GPR158: variants seen among roughly 807,000 people sequenced by gnomAD.
GPR158 encodes the protein G protein-coupled receptor 158, also known as metabotropic glycine receptor.
A neutral mutation model predicts 78.2 loss-of-function variants in GPR158; 30 were observed. The ratio of observed to expected loss-of-function variants is 0.38; its 90% CI spans 0.29 to 0.52. GPR158 has a LOEUF of 0.52. Among genes scored for constraint, GPR158 ranks in the 20% least tolerant of loss-of-function variants. GPR158 has a pLI of 0.83. For synonymous variants in GPR158, 581 were observed against 591.1 expected (o/e 0.98, Z 0.25); for missense variants, 1,463 against 1,523.5 (o/e 0.96, Z 0.66).
chr10:25,358,041 GATC>G (rs1225613868), intron 2 of GPR158, among the ~76,000 whole-genome samples: 4 of 152,086 alleles, frequency 2.6e-5, no homozygotes, highest in Non-Finnish European at 5.9e-5. Flanking sequence ...AGTCAAAGGA[GATC>G]ATTATGGAAC....
rs1419197749 is a variant in GPR158 at position 25,374,714 on chromosome 10, T to A, written c.1009-21197T>A. 2.6e-5 allele frequency among the ~76,000 whole-genome samples: 4 copies of A among 151,774 alleles called. No individual in the cohort carries two copies. In the East Asian group the frequency reaches 7.7e-4, roughly 29 times the overall value. ...TTCATATGAGATCTGTCCAAGTTGTTGTGTGTATCAATCGTGTGTTCCTTT... is the reference window on the plus strand; with the variant it reads ...TTCATATGAGATCTGTCCAAGTTGTAGTGTGTATCAATCGTGTGTTCCTTT... On this transcript the variant is annotated intron_variant, in intron 2 of 10. Coordinates refer to ENST00000376351, the MANE Select transcript of GPR158 (RefSeq NM_020752.3).
intron 4 of GPR158, among the ~76,000 whole-genome samples, chr10:25,433,030 A>G (rs1216867840): frequency 6.6e-6 from 1 of 152,228 alleles, no homozygotes; most frequent in Non-Finnish European, 1.5e-5. Flanking sequence ...GGGCTATAGA[A>G]TTCTTACAGT....
chr10:25,577,631 G>A (rs1174726186), intron 7 of GPR158, among the ~76,000 whole-genome samples: 7 of 152,148 alleles, frequency 4.6e-5, no homozygotes, highest in Non-Finnish European at 8.8e-5. Context: ...TCATTGCACA[G>A]GGCTGCTCCA....
At chr10:25,507,663 A>G (rs1473590528) in intron 5 of GPR158, among the ~76,000 whole-genome samples, 1 of 152,256 alleles carries the variant, frequency 6.6e-6, no homozygotes, top group East Asian at 1.9e-4. Flanking sequence ...AAAAAATTTA[A>G]TGACATTGCA....
intron 5 of GPR158, among the ~76,000 whole-genome samples, chr10:25,535,272 T>G (rs1250926442): frequency 6.6e-6 from 1 of 152,232 alleles, no homozygotes; most frequent in Non-Finnish European, 1.5e-5. Flanking sequence ...TCAAACAGAT[T>G]AACATTGAAA....
At chr10:25,264,227 T>C (rs1854009574) in intron 2 of GPR158, among the ~76,000 whole-genome samples, 1 of 152,202 alleles carries the variant, frequency 6.6e-6, no homozygotes, top group Non-Finnish European at 1.5e-5. Flanking sequence ...TAAGACCAGA[T>C]TGATGCTGCA....
intron 2 of GPR158, among the ~76,000 whole-genome samples, chr10:25,235,405 A>G (rs999283307): frequency 1.4e-4 from 21 of 148,966 alleles, no homozygotes; most frequent in Non-Finnish European, 5.9e-5. Flanking sequence ...CTATCTTCTC[A>G]CATGGTTATT....
chr10:25,194,318 A>T (rs1239066949), intron 1 of GPR158, among the ~76,000 whole-genome samples: 2 of 152,048 alleles, frequency 1.3e-5, no homozygotes, highest in Non-Finnish European at 2.9e-5. Flanking sequence ...GCAGGTGGAT[A>T]ACCTGAGGTC....
At chr10:25,338,510 G>A (rs573267646) in intron 2 of GPR158, among the ~76,000 whole-genome samples, 47 of 113,656 alleles carry the variant, frequency 4.1e-4, no homozygotes, top group African/African-American at 1.0e-3. Context: ...TATATATTAC[G>A]TATAATATAC....
chr10:25,347,815 T>C (rs1855393753), intron 2 of GPR158, among the ~76,000 whole-genome samples: 1 of 152,024 alleles, frequency 6.6e-6, no homozygotes, highest in Admixed American at 6.6e-5. Flanking sequence ...CATTTTATAG[T>C]CGGAGAAGCT....
chr10:25,422,264 G>C (rs1834761515), intron 4 of GPR158, among the ~76,000 whole-genome samples: 1 of 152,158 alleles, frequency 6.6e-6, no homozygotes, highest in Non-Finnish European at 1.5e-5. Context: ...CGAAACCCCT[G>C]GGGCTGCACA....
chr10:25,288,639 T>C (rs1179160740), intron 2 of GPR158, among the ~76,000 whole-genome samples: 1 of 152,238 alleles, frequency 6.6e-6, no homozygotes, highest in Non-Finnish European at 1.5e-5. Flanking sequence ...TTAACTTATA[T>C]ATGTCCAAGA....
At chr10:25,544,414 A>C (rs182182218) in intron 5 of GPR158, among the ~76,000 whole-genome samples, 17 of 152,274 alleles carry the variant, frequency 1.1e-4, no homozygotes, top group Non-Finnish European at 1.8e-4. Context: ...TAATCCCATT[A>C]CAACTCAGTC....
chr10:25,275,855 G>A (rs1279058901), intron 2 of GPR158, among the ~76,000 whole-genome samples: 1 of 152,062 alleles, frequency 6.6e-6, no homozygotes, highest in Non-Finnish European at 1.5e-5. Flanking sequence ...ATTATTGAAG[G>A]TGCTAGAACA....
In GPR158 at chr10:25,463,395, CTGGATGGA is replaced by C. The variant is rs10532888; in HGVS notation, c.1336-3219_1336-3212del. 2.8e-3 allele frequency among the ~76,000 whole-genome samples: 420 copies of C among 149,650 alleles called. 2 individuals are homozygous for C. Among genetic ancestry groups the C allele is most frequent in the East Asian group, 0.023 (117 of 5,050 alleles). On this transcript the variant is annotated intron_variant, in intron 4 of 10. Transcript: ENST00000376351. The stretch of plus-strand genomic sequence containing the variant: ...AACCCAAAATATTTCTGAGGTTTGT[CTGGATGGA>C]TGGATGGATGGATGGATGGATGGAT...
At chr10:25,316,168 T>TA (rs1854845258) in intron 2 of GPR158, among the ~76,000 whole-genome samples, 1 of 152,202 alleles carries the variant, frequency 6.6e-6, no homozygotes, top group African/African-American at 2.4e-5. Flanking sequence ...GATTTTTCTT[T>TA]ATCTTTAAAC....
At chr10:25,189,787 TAA>T (rs151230094) in intron 1 of GPR158, among the ~76,000 whole-genome samples, 1 of 130,530 alleles carries the variant, frequency 7.7e-6, no homozygotes, top group Non-Finnish European at 1.6e-5. Flanking sequence ...AAGTATAATT[TAA>T]AAAAAAAACC....
chr10:25,203,450 C>A (rs1852965455), intron 1 of GPR158, among the ~76,000 whole-genome samples: 1 of 152,072 alleles, frequency 6.6e-6, no homozygotes, highest in South Asian at 2.1e-4. Context: ...AGGAAGGGAT[C>A]CAGTTTCAGC....
At chr10:25,322,367 C>T (rs560709740) in intron 2 of GPR158, among the ~76,000 whole-genome samples, 11 of 148,628 alleles carry the variant, frequency 7.4e-5, no homozygotes, top group Admixed American at 2.7e-4. Context: ...GGTGACAGAG[C>T]GAGACTCCGT....
Sources: allele counts gnomAD v4.1 joint callset (sites outside exome capture counted in the v4.1 genomes callset), GRCh38; gene constraint gnomAD v4.1.1; transcripts MANE v1.5; gene names NCBI Gene and HGNC (gene_info 2026-07-23, HGNC 2026-07-21).